The following PRLR variants were observed in gnomAD, a reference collection of about 807,000 sequenced individuals.
PRLR encodes hPRL receptor.
Under a neutral mutation model 40.2 loss-of-function variants are expected in PRLR, and 13 were observed. The observed-to-expected ratio is 0.32, with a 90% CI of 0.21 to 0.51. PRLR has a LOEUF of 0.51. Among genes scored for constraint, PRLR ranks in the 20% least tolerant of loss-of-function variants. PRLR has a pLI of 0.97. For synonymous variants in PRLR, 269 were observed against 278.7 expected (o/e 0.97, Z 0.35); for missense variants, 656 against 747.3 (o/e 0.88, Z 1.42).
intron 1 of PRLR, among the ~76,000 whole-genome samples, chr5:35,160,325 G>A (rs1774638914): frequency 6.6e-6 from 1 of 152,170 alleles, no homozygotes; most frequent in Admixed American, 6.5e-5. Flanking sequence ...GACACAGTTG[G>A]GTAGTGGGTG....
At chr5:35,087,422 T>TTGTGTGTGTGTGTGTGTG (rs10691744) in intron 3 of PRLR, among the ~76,000 whole-genome samples, 8 of 140,852 alleles carry the variant, frequency 5.7e-5, no homozygotes, top group African/African-American at 2.1e-4. Flanking sequence ...TCTCTTTCCT[T>TTGTGTGTGTGTGTGTGTG]TGTGTGTGTG....
intron 3 of PRLR, among the ~76,000 whole-genome samples, chr5:35,089,129 A>T (rs1423106770): frequency 6.6e-6 from 1 of 152,190 alleles, no homozygotes; most frequent in African/African-American, 2.4e-5. Flanking sequence ...GCAACCTCTT[A>T]TATCCCATTA....
intron 2 of PRLR, among the ~76,000 whole-genome samples, chr5:35,095,218 G>A (rs1771460209): frequency 6.6e-6 from 1 of 152,162 alleles, no homozygotes. Context: ...AAGAGGAACA[G>A]CAGGGATTAG....
intron 1 of PRLR, among the ~76,000 whole-genome samples, chr5:35,170,989 T>C (rs764307823): frequency 6.6e-6 from 1 of 151,880 alleles, no homozygotes; most frequent in Admixed American, 6.6e-5. Flanking sequence ...TGCTTATCAG[T>C]ATTAGAGGGT....
At chr5:35,051,540 T>C (rs1768498316), downstream of PRLR, among the ~76,000 whole-genome samples, 1 of 152,240 alleles carries the variant, frequency 6.6e-6, no homozygotes, top group Non-Finnish European at 1.5e-5. Flanking sequence ...TGACTGGGAT[T>C]GTTCCTGTAT....
At chr5:35,205,296 C>T (rs1293476314) in intron 1 of PRLR, among the ~76,000 whole-genome samples, 5 of 152,008 alleles carry the variant, frequency 3.3e-5, no homozygotes, top group Admixed American at 2.0e-4. Context: ...CTAGATAATA[C>T]CAAACTCCAA....
At chr5:35,192,003 G>A (rs769715242) in intron 1 of PRLR, among the ~76,000 whole-genome samples, 3 of 152,122 alleles carry the variant, frequency 2.0e-5, no homozygotes, top group African/African-American at 4.8e-5. Context: ...TTCTAGATCC[G>A]CCCAGTTGGG....
chr5:35,100,678 C>T (rs1410544458), intron 2 of PRLR, among the ~76,000 whole-genome samples: 1 of 152,142 alleles, frequency 6.6e-6, no homozygotes, highest in Non-Finnish European at 1.5e-5. Flanking sequence ...ACAAGATAAC[C>T]TAAGGATGCA....
intron 5 of PRLR, among the ~76,000 whole-genome samples, chr5:35,076,974 A>C (rs372819021): frequency 4.6e-5 from 7 of 152,288 alleles, no homozygotes; most frequent in African/African-American, 9.6e-5. Context: ...GAAATAAAAT[A>C]CTTTACAGAC....
intron 1 of PRLR, among the ~76,000 whole-genome samples, chr5:35,193,375 A>G (rs1174076545): frequency 1.3e-5 from 2 of 152,206 alleles, no homozygotes; most frequent in Non-Finnish European, 2.9e-5. Context: ...AACACGGGTA[A>G]GATATGAACA....
chr5:35,179,437 G>A (rs920888982), intron 1 of PRLR, among the ~76,000 whole-genome samples: 2 of 152,182 alleles, frequency 1.3e-5, no homozygotes, highest in African/African-American at 4.8e-5. Context: ...GAATAAGGCA[G>A]TTGTGGTAAT....
intron 9 of PRLR, among the ~76,000 whole-genome samples, chr5:35,066,623 A>G (rs1232943050): frequency 3.4e-5 from 5 of 145,936 alleles, no homozygotes; most frequent in Non-Finnish European, 7.5e-5. Context: ...GTTTTCTTCT[A>G]CTCTACTTCC....
Position 35,065,050 on chromosome 5 carries a change from A to C in PRLR, c.*39T>G. 1.9e-6 allele frequency: 3 copies of C among 1,575,672 alleles called. No individual in the cohort carries two copies. The highest frequency in any genetic ancestry group is 2.6e-6 in the Non-Finnish European group (3 of 1,158,800). Reference sequence around the variant, plus strand: ...CGTACTCTGTAGTGTTACCTGAAGAAAAATCACATTTTAACCAATCATTCC... The same window carrying C: ...CGTACTCTGTAGTGTTACCTGAAGACAAATCACATTTTAACCAATCATTCC... On this transcript the variant is annotated 3_prime_UTR_variant, in exon 10 of 10. Transcript: ENST00000618457.
At chr5:35,088,957 T>A (rs1220087125) in intron 3 of PRLR, among the ~76,000 whole-genome samples, 2 of 152,126 alleles carry the variant, frequency 1.3e-5, no homozygotes, top group African/African-American at 4.8e-5. Flanking sequence ...AGTTAATATA[T>A]ACACAGGTAC....
chr5:35,120,465 G>A (rs1393208551), intron 1 of PRLR, among the ~76,000 whole-genome samples: 1 of 152,122 alleles, frequency 6.6e-6, no homozygotes, highest in Non-Finnish European at 1.5e-5. Context: ...CTCTGGACAA[G>A]CAAGAAAGGT....
chr5:35,119,053 C>T (rs1773180304), intron 1 of PRLR, among the ~76,000 whole-genome samples: 1 of 152,128 alleles, frequency 6.6e-6, no homozygotes, highest in African/African-American at 2.4e-5. Context: ...CCTCGTACTC[C>T]CAAAGTGCTG....
Position 35,096,103 on chromosome 5 carries a change from C to T in PRLR, c.-43-6440G>A, listed in dbSNP as rs1433628135. On this transcript the variant is annotated intron_variant, in intron 2 of 9. Coordinates refer to ENST00000618457, the MANE Select transcript of PRLR (RefSeq NM_000949.7). The stretch of plus-strand genomic sequence containing the variant: ...TTGTCTAAACGAGAGCTGACTTAGA[C>T]CTTGGGCCACTCAGGAATACCTGTG... Among the ~76,000 whole-genome samples, 3 of 152,308 alleles carry T rather than the reference C, an allele frequency of 2.0e-5. No homozygotes were observed. The East Asian group carries it at 5.8e-4, about 29-fold the overall frequency.
intron 1 of PRLR, among the ~76,000 whole-genome samples, chr5:35,228,460 G>T (rs1023835191): frequency 6.6e-6 from 1 of 152,150 alleles, no homozygotes; most frequent in Admixed American, 6.5e-5. Context: ...AAAGTACAGA[G>T]GTTCAAAAGA....
intron 8 of PRLR, among the ~76,000 whole-genome samples, chr5:35,049,990 C>T (rs942751239): frequency 1.3e-5 from 2 of 150,956 alleles, no homozygotes; most frequent in African/African-American, 2.5e-5. Flanking sequence ...TCACCGCAAC[C>T]TCCGCCTCCC....
Sources: gnomAD v4.1 joint callset for allele counts (sites outside exome capture counted in the v4.1 genomes callset) on GRCh38, gnomAD v4.1.1 for gene constraint, MANE v1.5 for transcripts, NCBI Gene and HGNC (gene_info 2026-07-23, HGNC 2026-07-21) for gene names.